The following RIMKLA variants were observed in gnomAD, a reference collection of about 807,000 sequenced individuals.
RIMKLA encodes the protein N-acetylaspartylglutamate synthase A.
A neutral mutation model predicts 32.7 loss-of-function variants in RIMKLA; 14 were observed. The observed-to-expected ratio is 0.43, with a 90% CI of 0.28 to 0.67. The LOEUF is 0.67. Ranked by LOEUF, RIMKLA falls within the 30% of genes least tolerant of loss-of-function variation. The pLI, the probability that RIMKLA is intolerant of heterozygous loss-of-function variation, is 0.18. For synonymous variants in RIMKLA, 176 were observed against 204.1 expected (o/e 0.86, Z 1.18); for missense variants, 410 against 519.0 (o/e 0.79, Z 2.04).
rs1643270977 is a variant in RIMKLA, at chr1:42,418,610, G to C, written c.*3636G>C. On this transcript the variant is annotated 3_prime_UTR_variant, in exon 5 of 5. Transcript: ENST00000431473. ...CATGAATATGTATTGATCAGAGGTA[G>C]ATGTCTTTGAAGCTGTTCTGCATAA... is the stretch of plus-strand genomic sequence containing the variant. 6.6e-6 allele frequency: 1 copy of C among 152,232 alleles called. No homozygotes were observed. Among genetic ancestry groups the C allele is most frequent in the African/African-American group, 2.4e-5 (1 of 41,464 alleles). The allele number at this position is 152,232 out of a possible 1,614,324, so 9.4% of individuals were successfully genotyped here.
chr1:42,385,045 A>G (rs1463504703), intron 1 of RIMKLA, among the ~76,000 whole-genome samples: 4 of 152,178 alleles, frequency 2.6e-5, no homozygotes, highest in African/African-American at 9.7e-5. Flanking sequence ...ACCTTTTAAA[A>G]TAGCACTCAT....
intron 3 of RIMKLA, among the ~76,000 whole-genome samples, chr1:42,405,656 C>T: frequency 6.6e-6 from 1 of 152,096 alleles, no homozygotes; most frequent in South Asian, 2.1e-4. Flanking sequence ...TCTCAAAAAA[C>T]AAAAAAACAA....
intron 1 of RIMKLA, among the ~76,000 whole-genome samples, chr1:42,384,553 G>GTATATACATATATA (rs1557749265): frequency 6.8e-5 from 10 of 146,942 alleles, no homozygotes; most frequent in African/African-American, 2.2e-4. Context: ...ATATATATGT[G>GTATATACATATATA]TGTATATATA....
intron 3 of RIMKLA, among the ~76,000 whole-genome samples, chr1:42,406,964 G>C (rs879705090): frequency 6.6e-6 from 1 of 151,220 alleles, no homozygotes; most frequent in Non-Finnish European, 1.5e-5. Context: ...GGACTGCAAT[G>C]GTGCGATCTT....
At chr1:42,385,324 C>T (rs1642926694) in intron 1 of RIMKLA, among the ~76,000 whole-genome samples, 1 of 151,982 alleles carries the variant, frequency 6.6e-6, no homozygotes, top group Non-Finnish European at 1.5e-5. Flanking sequence ...CTTTGCCCAC[C>T]CACAGGTCTG....
At chr1:42,389,305 G>T (rs1361682584) in intron 1 of RIMKLA, among the ~76,000 whole-genome samples, 1 of 152,202 alleles carries the variant, frequency 6.6e-6, no homozygotes, top group Non-Finnish European at 1.5e-5. Flanking sequence ...AGATACCAAA[G>T]TAGGAGCACC....
At position 42,424,125 on chromosome 1, in the gene RIMKLA, A is replaced by G. The variant is rs1643317664; in HGVS notation, c.*9151A>G. Among the ~76,000 whole-genome samples the G allele has an allele frequency of 6.6e-6, 1 of 152,218 alleles. No individual in the cohort carries two copies. Among genetic ancestry groups the G allele is most frequent in the South Asian group, 2.1e-4 (1 of 4,826 alleles). ...GGTCTGTACTGTATTGCCTGATAGT[A>G]TCATATCAATGTCAATTTCCTCATT... On this transcript the variant is annotated 3_prime_UTR_variant, in exon 5 of 5. Transcript: ENST00000431473.
At position 42,416,096 on chromosome 1, in the gene RIMKLA, G is replaced by GC. The variant is rs1553177722; in HGVS notation, c.*1122_*1123insC. The GC allele has an allele frequency of 2.3e-5, 3 of 131,602 alleles. 1 individual carries two copies. Among genetic ancestry groups the GC allele is most frequent in the Non-Finnish European group, 5.1e-5 (3 of 58,754 alleles). 8.2% of individuals were successfully genotyped at this position (131,602 alleles called of 1,614,324 possible). A position where few individuals can be genotyped will look rare whatever the true frequency, so the allele number is the denominator to read the frequency against. On this transcript the variant is annotated 3_prime_UTR_variant, in exon 5 of 5. Coordinates refer to ENST00000431473, the MANE Select transcript of RIMKLA (RefSeq NM_173642.4). ...CCCATTGCACATTTTGCGGGGGGGG[G>GC]GGCTAATGTAGACATGACACCAAGT...
rs546801762 is a variant in RIMKLA, at chr1:42,394,671, A to G, written c.164-4733A>G. Among the ~76,000 whole-genome samples the G allele has an allele frequency of 3.5e-4, 53 of 152,066 alleles. 1 individual carries two copies. The highest frequency in any genetic ancestry group is 1.3e-3 in the African/African-American group (52 of 41,478). On this transcript the variant is annotated intron_variant, in intron 1 of 4. Coordinates refer to ENST00000431473, the MANE Select transcript of RIMKLA (RefSeq NM_173642.4). The stretch of plus-strand genomic sequence containing the variant: ...CCAATAAAGATTTATTTCTGAAGCT[A>G]TTTCTCTTTATCATAAAGTGTATTT...
intron 3 of RIMKLA, among the ~76,000 whole-genome samples, chr1:42,408,696 C>A (rs113090780): frequency 1.6e-3 from 244 of 152,192 alleles, no homozygotes; most frequent in African/African-American, 5.6e-3. Flanking sequence ...GCTAGGATGT[C>A]AGGCGTGAGC....
In RIMKLA at chr1:42,404,449, C is replaced by G. The variant is rs1643127040; in HGVS notation, c.395-62C>G. 2.7e-6 allele frequency: 3 copies of G among 1,105,330 alleles called. No individual in the cohort carries two copies. In the East Asian group the frequency reaches 7.0e-5, roughly 26 times the overall value. The allele number at this position is 1,105,330 out of a possible 1,614,324, so 68.5% of individuals were successfully genotyped here. ...CAAGAATTCCTACAGAGGGGCGGGGCTGGGGTGACCGCTACCTGACTATCA... is the reference window on the plus strand; with the variant it reads ...CAAGAATTCCTACAGAGGGGCGGGGGTGGGGTGACCGCTACCTGACTATCA... On this transcript the variant is annotated intron_variant, in intron 2 of 4. Coordinates refer to ENST00000431473, the MANE Select transcript of RIMKLA (RefSeq NM_173642.4).
intron 4 of RIMKLA, among the ~76,000 whole-genome samples, chr1:42,413,815 C>T (rs1385870631): frequency 6.7e-6 from 1 of 149,978 alleles, no homozygotes; most frequent in African/African-American, 2.4e-5. Context: ...TCACTGTAGC[C>T]TCAAACTCCT....
Position 42,381,831 on chromosome 1 carries a change from T to C in RIMKLA, c.163+734T>C, listed in dbSNP as rs151282165. Among the ~76,000 whole-genome samples the C allele has an allele frequency of 3.7e-4, 57 of 152,308 alleles. 1 individual carries two copies. In the East Asian group the frequency reaches 0.01, roughly 28 times the overall value. On this transcript the variant is annotated intron_variant, in intron 1 of 4. Coordinates refer to ENST00000431473, the MANE Select transcript of RIMKLA (RefSeq NM_173642.4). ...TTGACCTCAAAAGGTTAATTATTTT[T>C]TCGTATATCCTTAATACAGGCCTCT... is the stretch of plus-strand genomic sequence containing the variant.
chr1:42,408,908 A>C (rs933744827), intron 3 of RIMKLA, among the ~76,000 whole-genome samples: 3 of 152,028 alleles, frequency 2.0e-5, no homozygotes, highest in African/African-American at 4.8e-5. Flanking sequence ...CTAATATATC[A>C]ATGGAAAAGC....
rs754055043 is a variant in RIMKLA at position 42,414,932 on chromosome 1, C to T, written c.1134C>T (p.Tyr378=). ...APPSMLPEPG[Y]NINNRIASEL... ...CCTCCATGCTGCCCGAACCTGGCTA[C>T]AACATTAACAACAGGATTGCTTCTG... The change falls in exon 5 of 5, where the codon TAC becomes TAT. Residue 378 remains tyrosine, a synonymous_variant. Coordinates refer to ENST00000431473, the MANE Select transcript of RIMKLA (RefSeq NM_173642.4). The T allele has an allele frequency of 6.2e-7, 1 of 1,613,524 alleles. No homozygotes were observed. The highest frequency in any genetic ancestry group is 8.5e-7 in the Non-Finnish European group (1 of 1,179,772).
chr1:42,409,902 T>C lies in RIMKLA; in HGVS notation c.482-82T>C, dbSNP rs1381303710. 2.8e-6 allele frequency: 3 copies of C among 1,083,990 alleles called. No homozygotes were observed. The African/African-American group carries it at 4.7e-5, about 17-fold the overall frequency. The allele number at this position is 1,083,990 out of a possible 1,614,324, so 67.1% of individuals were successfully genotyped here. On this transcript the variant is annotated intron_variant, in intron 3 of 4. Transcript: ENST00000431473. ...GGCAAGTTTAGAAAGAACTGATGAC[T>C]TTATGGACAAGGAGGCCAGATGGCA...
chr1:42,413,977 A>C (rs1643223999), intron 4 of RIMKLA, among the ~76,000 whole-genome samples: 1 of 151,188 alleles, frequency 6.6e-6, no homozygotes, highest in African/African-American at 2.4e-5. Flanking sequence ...GCCTGGTCCA[A>C]ACGCTTGGCC....
chr1:42,404,221 C>T (rs1288580899), intron 2 of RIMKLA, among the ~76,000 whole-genome samples: 1 of 152,188 alleles, frequency 6.6e-6, no homozygotes, highest in Non-Finnish European at 1.5e-5. Context: ...TGGGGTTCCA[C>T]CTACCACAGC....
intron 2 of RIMKLA, among the ~76,000 whole-genome samples, chr1:42,403,033 C>T (rs536170254): frequency 2.0e-5 from 3 of 152,238 alleles, no homozygotes; most frequent in Admixed American, 1.3e-4. Flanking sequence ...CCCCACTGTA[C>T]CTACAAAACA....
Sources: gnomAD v4.1 joint callset for allele counts (sites outside exome capture counted in the v4.1 genomes callset) on GRCh38, gnomAD v4.1.1 for gene constraint, MANE v1.5 for transcripts, NCBI Gene and HGNC (gene_info 2026-07-23, HGNC 2026-07-21) for gene names.